Variants in CDH18 observed in about 807,000 individuals in gnomAD.
CDH18 encodes the protein cadherin 18.
In CDH18, 31 loss-of-function variants were observed where a neutral mutation model predicts 67.9. The ratio of observed to expected loss-of-function variants is 0.46; its 90% CI spans 0.34 to 0.62. The LOEUF (loss-of-function observed/expected upper bound fraction) is 0.62. Among genes scored for constraint, CDH18 ranks in the 20% least tolerant of loss-of-function variants. The probability of loss-of-function intolerance (pLI) is 0.01; values close to 1 mark genes in which losing one functional copy is unlikely to be tolerated. For missense variants in CDH18, 890 were observed against 975.5 expected (o/e 0.91, Z 1.17); for synonymous variants, 362 against 347.2 (o/e 1.04, Z -0.48).
intron 1 of CDH18, among the ~76,000 whole-genome samples, chr5:20,557,504 A>T (rs1483208552): frequency 6.6e-6 from 1 of 152,152 alleles, no homozygotes; most frequent in Non-Finnish European, 1.5e-5. Flanking sequence ...GCTACAAGAA[A>T]TCAGTATAGG....
intron 1 of CDH18, among the ~76,000 whole-genome samples, chr5:20,308,540 CAAAA>C (rs35827739): frequency 7.9e-6 from 1 of 126,742 alleles, no homozygotes; most frequent in Non-Finnish European, 1.7e-5. Flanking sequence ...GAGACTCAGT[CAAAA>C]AAAAAAAAAA....
At chr5:19,819,626 C>G (rs1057399141) in intron 3 of CDH18, among the ~76,000 whole-genome samples, 1 of 152,114 alleles carries the variant, frequency 6.6e-6, no homozygotes, top group Non-Finnish European at 1.5e-5. Flanking sequence ...ATCCCATGAA[C>G]CCCACAGATA....
intron 1 of CDH18, among the ~76,000 whole-genome samples, chr5:20,311,111 A>C (rs550800570): frequency 6.6e-6 from 1 of 152,186 alleles, no homozygotes; most frequent in African/African-American, 2.4e-5. Flanking sequence ...AAAACAAACA[A>C]AAAAAAGCCT....
intron 2 of CDH18, among the ~76,000 whole-genome samples, chr5:20,063,593 T>C (rs1216286506): frequency 3.9e-5 from 6 of 152,250 alleles, no homozygotes; most frequent in African/African-American, 1.2e-4. Flanking sequence ...GAAATTGTAA[T>C]CAGTTGTTTA....
intron 6 of CDH18, among the ~76,000 whole-genome samples, chr5:19,597,943 G>C (rs759446170): frequency 5.3e-5 from 8 of 152,016 alleles, no homozygotes; most frequent in Non-Finnish European, 8.8e-5. Flanking sequence ...GTCGCATATA[G>C]TTCTAGTTTG....
At chr5:20,086,291 T>G (rs529975250) in intron 2 of CDH18, among the ~76,000 whole-genome samples, 1 of 152,180 alleles carries the variant, frequency 6.6e-6, no homozygotes, top group Non-Finnish European at 1.5e-5. Flanking sequence ...TTAGAAATCA[T>G]TGGTTCATGA....
intron 11 of CDH18, among the ~76,000 whole-genome samples, chr5:19,485,260 T>TC: frequency 7.0e-6 from 1 of 143,018 alleles, no homozygotes; most frequent in Middle Eastern, 3.6e-3. Flanking sequence ...TGTCTATTCT[T>TC]TTTTTTTTTT....
chr5:19,744,112 T>C (rs1414069853), intron 4 of CDH18, among the ~76,000 whole-genome samples: 1 of 152,052 alleles, frequency 6.6e-6, no homozygotes, highest in Non-Finnish European at 1.5e-5. Flanking sequence ...TGAGTGTATA[T>C]ATACACACAC....
rs999614315 is a variant in CDH18, at chr5:19,800,442, G to A, written c.228+38317C>T. Among the ~76,000 whole-genome samples the A allele has an allele frequency of 9.2e-5, 14 of 152,228 alleles. No homozygotes were observed. In the East Asian group the frequency reaches 9.7e-4, roughly 11 times the overall value. On this transcript the variant is annotated intron_variant, in intron 3 of 12. Transcript: ENST00000382275. Reference sequence around the variant, plus strand: ...GATAACGGAAGGAGTCAGTGATGAAGGGAACTCAAATTCTCCTCATTTATC... The same window carrying A: ...GATAACGGAAGGAGTCAGTGATGAAAGGAACTCAAATTCTCCTCATTTATC...
chr5:20,142,581 G>GAAA (rs1441172760), intron 2 of CDH18, among the ~76,000 whole-genome samples: 2 of 128,672 alleles, frequency 1.6e-5, no homozygotes, highest in Non-Finnish European at 3.3e-5. Context: ...CTCTGCCTCA[G>GAAA]AAAAAAAAAA....
chr5:20,570,916 T>G (rs1328215910), intron 1 of CDH18, among the ~76,000 whole-genome samples: 2 of 152,168 alleles, frequency 1.3e-5, no homozygotes, highest in Admixed American at 1.3e-4. Flanking sequence ...AGTAATTTTG[T>G]AGAGAAAACA....
intron 2 of CDH18, among the ~76,000 whole-genome samples, chr5:20,191,043 GT>G (rs1472674967): frequency 6.6e-6 from 1 of 152,032 alleles, no homozygotes; most frequent in Non-Finnish European, 1.5e-5. Flanking sequence ...CTCACATATT[GT>G]TCCACCTTTG....
chr5:20,458,273 T>C (rs909066255), intron 1 of CDH18, among the ~76,000 whole-genome samples: 1 of 152,112 alleles, frequency 6.6e-6, no homozygotes, highest in Non-Finnish European at 1.5e-5. Flanking sequence ...TTGTTTGTTT[T>C]GTAATAAGAA....
intron 3 of CDH18, among the ~76,000 whole-genome samples, chr5:19,769,737 T>C (rs1411464478): frequency 3.3e-5 from 5 of 151,948 alleles, no homozygotes; most frequent in Non-Finnish European, 5.9e-5. Flanking sequence ...CAAATAAAAA[T>C]ATAGATAAAT....
chr5:19,830,907 C>G (rs780662626), intron 3 of CDH18, among the ~76,000 whole-genome samples: 1 of 151,974 alleles, frequency 6.6e-6, no homozygotes. Flanking sequence ...GAGGTGGAGG[C>G]CATAACCTGA....
intron 6 of CDH18, among the ~76,000 whole-genome samples, chr5:19,601,124 C>T (rs1747064199): frequency 6.6e-6 from 1 of 152,082 alleles, no homozygotes; most frequent in Non-Finnish European, 1.5e-5. Flanking sequence ...TTGCTCTTGC[C>T]CCATTCCCTT....
At chr5:20,403,870 A>G (rs1746001427) in intron 1 of CDH18, among the ~76,000 whole-genome samples, 1 of 151,922 alleles carries the variant, frequency 6.6e-6, no homozygotes, top group Admixed American at 6.6e-5. Context: ...CTCTACATGA[A>G]AGTTTTAGAT....
At position 19,546,917 on chromosome 5, in the gene CDH18, T is replaced by C. The variant is rs566985057; in HGVS notation, c.1254-2912A>G. ...ACATTAAATTTTCTAATAATAAGTA[T>C]ATGTTAATTGAAAAAAGTTTAACAT... On this transcript the variant is annotated intron_variant, in intron 8 of 12. Coordinates refer to ENST00000382275, the MANE Select transcript of CDH18 (RefSeq NM_004934.5). Among the ~76,000 whole-genome samples, 3 of 152,266 alleles carry C rather than the reference T, an allele frequency of 2.0e-5. No individual in the cohort carries two copies. The East Asian group carries it at 5.8e-4, about 29-fold the overall frequency.
intron 2 of CDH18, among the ~76,000 whole-genome samples, chr5:20,133,690 TTTATA>T (rs1372724943): frequency 6.6e-6 from 1 of 152,072 alleles, no homozygotes; most frequent in Non-Finnish European, 1.5e-5. Flanking sequence ...TATATTTTTC[TTTATA>T]TTATAATATA....
Sources: allele counts gnomAD v4.1 joint callset (sites outside exome capture counted in the v4.1 genomes callset), GRCh38; gene constraint gnomAD v4.1.1; transcripts MANE v1.5; gene names NCBI Gene and HGNC (gene_info 2026-07-23, HGNC 2026-07-21).